OTOG: variants seen among roughly 807,000 people sequenced by gnomAD.
OTOG encodes otogelin.
Under a neutral mutation model 313.8 loss-of-function variants are expected in OTOG, and 296 were observed. That is an observed-to-expected ratio of 0.94 (90% CI 0.86 to 1.04). The LOEUF (loss-of-function observed/expected upper bound fraction) is 1.04, where lower values mean the gene tolerates loss of function less well. OTOG is among the 50% of genes least tolerant of loss of function. The pLI is 0.00. For synonymous variants in OTOG, 1,533 were observed against 1,554.9 expected (o/e 0.99, Z 0.33); for missense variants, 3,948 against 3,840.1 (o/e 1.03, Z -0.74).
At position 17,610,259 on chromosome 11, in the gene OTOG, C is replaced by T; in HGVS notation, c.4959C>T (p.Ala1653=). The T allele has an allele frequency of 6.4e-7, 1 of 1,550,586 alleles. No individual in the cohort carries two copies. The highest frequency in any genetic ancestry group is 8.7e-7 in the Non-Finnish European group (1 of 1,146,940). Residue 1653 remains alanine (A), a synonymous_variant, in exon 36 of 56, where the codon GCC becomes GCT. Transcript: ENST00000399397. ...PSSRPVASPG[A]ISRSPTSSGS... ...CCAGACCTGTGGCTTCCCCTGGAGC[C>T]ATCTCCAGGTCCCCCACCTCCTCGG... is the stretch of plus-strand genomic sequence containing the variant.
rs61611064 is a variant in OTOG, at chr11:17,558,236, C to A, written c.917C>A (p.Ala306Asp). The A allele has an allele frequency of 0.15, 236,724 of 1,550,482 alleles. 19,412 individuals are homozygous for A. Among genetic ancestry groups the A allele is most frequent in the Middle Eastern group, 0.25 (1,491 of 5,990 alleles). ...VEFVHSWQEQ[A>D]PNQPPGPTTS... Reference sequence around the variant, plus strand: ...TTTGTGCACAGCTGGCAGGAGCAGGCCCCTAACCAGCCTCCAGGGCCCACA... The same window carrying A: ...TTTGTGCACAGCTGGCAGGAGCAGGACCCTAACCAGCCTCCAGGGCCCACA... The change falls in exon 9 of 56, where the codon GCC (alanine) becomes GAC (aspartate). Residue 306 changes from alanine (A) to aspartate (D), a missense_variant. Transcript: ENST00000399397.
In OTOG at chr11:17,562,054, T is replaced by A. The variant is rs867603310; in HGVS notation, c.1644+247T>A. Among the ~76,000 whole-genome samples the A allele has an allele frequency of 7.2e-3, 988 of 138,072 alleles. 8 individuals carry two copies. Among genetic ancestry groups the A allele is most frequent in the African/African-American group, 0.025 (815 of 33,042 alleles). 90.6% of individuals were successfully genotyped at this position (138,072 alleles called of 152,430 possible). ...TTACTACCTAAAAAAAAAATATATA[T>A]ATATATATATATATATATGTATGTA... On this transcript the variant is annotated intron_variant, in intron 15 of 55. Coordinates refer to ENST00000399397, the MANE Select transcript of OTOG (RefSeq NM_001292063.2).
intron 13 of OTOG, 82 bp downstream of exon 13, chr11:17,560,899 A>G: frequency 1.5e-6 from 2 of 1,299,366 alleles, no homozygotes; most frequent in Non-Finnish European, 2.2e-6. Context: ...GGGAGCACTA[A>G]TGGCTGGCGT....
At chr11:17,567,888 T>A (rs947120995) in intron 15 of OTOG, among the ~76,000 whole-genome samples, 1 of 112,114 alleles carries the variant, frequency 8.9e-6, no homozygotes, top group Admixed American at 1.0e-4. Flanking sequence ...GGGATGTTAG[T>A]AACACTTTCT....
intron 40 of OTOG, among the ~76,000 whole-genome samples, chr11:17,630,920 A>G (rs1854106768): frequency 6.6e-6 from 1 of 152,244 alleles, no homozygotes; most frequent in Non-Finnish European, 1.5e-5. Flanking sequence ...GTGCCTTAAC[A>G]CAACAGAAGC....
intron 24 of OTOG, among the ~76,000 whole-genome samples, chr11:17,589,616 T>C (rs1252005072): frequency 6.6e-6 from 1 of 152,172 alleles, no homozygotes; most frequent in African/African-American, 2.4e-5. Flanking sequence ...TAAAAATATA[T>C]CGTTTGAAAA....
At chr11:17,628,032 G>C (rs924909401) in intron 39 of OTOG, among the ~76,000 whole-genome samples, 2 of 151,620 alleles carry the variant, frequency 1.3e-5, no homozygotes, top group Admixed American at 6.6e-5. Flanking sequence ...TAGTTTCATT[G>C]ATCTTTTGTA....
At position 17,611,419 on chromosome 11, in the gene OTOG, G is replaced by A; in HGVS notation, c.6119G>A (p.Cys2040Tyr). The A allele has an allele frequency of 6.6e-7, 1 of 1,511,070 alleles. No individual in the cohort carries two copies. Among genetic ancestry groups the A allele is most frequent in the Middle Eastern group, 1.7e-4 (1 of 5,798 alleles). 93.6% of individuals were successfully genotyped at this position (1,511,070 alleles called of 1,614,324 possible). A position where few individuals can be genotyped will look rare whatever the true frequency, so the allele number is the denominator to read the frequency against. Reference protein sequence around the residue: ...TTTEANTSTTCVPIAEQDCVR... With the variant: ...TTTEANTSTTYVPIAEQDCVR... ...ACTGAGGCCAATACATCCACCACCTGTGTTGTGAGTGATTTGCCAGGGTTC... is the reference window on the plus strand; with the variant it reads ...ACTGAGGCCAATACATCCACCACCTATGTTGTGAGTGATTTGCCAGGGTTC... Residue 2040 changes from cysteine (C) to tyrosine (Y), a missense_variant, in exon 36 of 56, where the codon TGT becomes TAT. Coordinates refer to ENST00000399397, the MANE Select transcript of OTOG (RefSeq NM_001292063.2).
At chr11:17,625,382 C>T (rs527991212) in intron 39 of OTOG, among the ~76,000 whole-genome samples, 71 of 152,224 alleles carry the variant, frequency 4.7e-4, no homozygotes, top group African/African-American at 1.7e-3. Flanking sequence ...TGAGTTTTAC[C>T]AAAAGCCTTT....
chr11:17,595,001 G>A (rs566202150), intron 28 of OTOG, among the ~76,000 whole-genome samples: 2 of 152,356 alleles, frequency 1.3e-5, no homozygotes, highest in East Asian at 3.9e-4. Flanking sequence ...CAGCAGTGGA[G>A]AGTGGTGATA....
intron 7 of OTOG, among the ~76,000 whole-genome samples, chr11:17,556,757 T>G (rs1350815213): frequency 6.6e-6 from 1 of 152,202 alleles, no homozygotes; most frequent in Non-Finnish European, 1.5e-5. Context: ...GCCCGCCATC[T>G]TTTCTTGCAC....
At chr11:17,607,696 G>A (rs1168403149) in intron 33 of OTOG, among the ~76,000 whole-genome samples, 1 of 152,214 alleles carries the variant, frequency 6.6e-6, no homozygotes, top group Admixed American at 6.5e-5. Flanking sequence ...GGCCCTCTGG[G>A]AACAGAGAGG....
chr11:17,561,871 G>A, intron 15 of OTOG, 64 bp downstream of exon 15: 1 of 1,538,398 alleles, frequency 6.5e-7, no homozygotes, highest in Non-Finnish European at 8.8e-7. Context: ...CCCCAAGAGA[G>A]ACTGGGACTT....
At position 17,557,102 on chromosome 11, in the gene OTOG, G is replaced by T; in HGVS notation, c.660-16G>T. On this transcript the variant is annotated splice_polypyrimidine_tract_variant and intron_variant, in intron 7 of 55. Transcript: ENST00000399397. ...GGTGTTGTGGATACCCTGAAGCTCT[G>T]GGATGTGCCCTGCAGGGTCCAACTG... 1 of 1,547,982 alleles carries T rather than the reference G, an allele frequency of 6.5e-7. No homozygotes were observed. The highest frequency in any genetic ancestry group is 1.2e-5 in the South Asian group (1 of 84,024).
rs368079534 is a variant in OTOG at position 17,633,299 on chromosome 11, A to G, written c.7073-381A>G. Reference sequence around the variant, plus strand: ...CACTGATCTAGAGCAAGGGGTTGGCAAACCTTTTCGGTAAAGAGCCAGAAA... The same window carrying G: ...CACTGATCTAGAGCAAGGGGTTGGCGAACCTTTTCGGTAAAGAGCCAGAAA... On this transcript the variant is annotated intron_variant, in intron 42 of 55. Coordinates refer to ENST00000399397, the MANE Select transcript of OTOG (RefSeq NM_001292063.2). 1.2e-4 allele frequency among the ~76,000 whole-genome samples: 19 copies of G among 152,366 alleles called. 1 individual carries two copies. In the East Asian group the frequency reaches 3.1e-3, roughly 25 times the overall value.
At chr11:17,597,072 G>T (rs1853129723) in intron 30 of OTOG, 65 bp downstream of exon 30, 4 of 1,514,052 alleles carry the variant, frequency 2.6e-6, no homozygotes, top group Admixed American at 4.1e-5. Context: ...ATGCCCTAGG[G>T]GTACTGGCAG....
At chr11:17,606,468 C>A (rs1039421323) in intron 33 of OTOG, among the ~76,000 whole-genome samples, 12 of 152,342 alleles carry the variant, frequency 7.9e-5, no homozygotes, top group African/African-American at 2.6e-4. Flanking sequence ...GCCGCTGGCT[C>A]AGTTTTCTTG....
chr11:17,590,658 A>C (rs955578773), intron 24 of OTOG, among the ~76,000 whole-genome samples: 8 of 152,128 alleles, frequency 5.3e-5, no homozygotes, highest in African/African-American at 1.9e-4. Context: ...TCCTAGCAGG[A>C]GCTAACCTTC....
intron 17 of OTOG, chr11:17,570,726 G>C (rs1852387049): frequency 9.9e-6 from 2 of 202,470 alleles, no homozygotes; most frequent in Admixed American, 5.5e-5. Flanking sequence ...GAGAAATGCT[G>C]TTTTAGAATG....
Sources: gnomAD v4.1 joint callset for allele counts (sites outside exome capture counted in the v4.1 genomes callset) on GRCh38, gnomAD v4.1.1 for gene constraint, MANE v1.5 for transcripts, NCBI Gene and HGNC (gene_info 2026-07-23, HGNC 2026-07-21) for gene names.